SMIM31: variants seen among roughly 807,000 people sequenced by gnomAD.
The protein encoded by SMIM31 is small integral membrane protein 31, also known as human epithelial cell program regulator.
intron 2 of SMIM31, among the ~76,000 whole-genome samples, chr4:164,777,493 G>A (rs1290135348): frequency 1.3e-5 from 2 of 152,154 alleles, no homozygotes; most frequent in African/African-American, 2.4e-5. Context: ...ACATAGTGAC[G>A]CGGCAGTAGC....
intron 1 of SMIM31, among the ~76,000 whole-genome samples, chr4:164,763,635 A>G (rs139701461): frequency 0.013 from 1,934 of 152,310 alleles, 27 homozygotes; most frequent in Non-Finnish European, 0.02. Context: ...TTCACATGTG[A>G]TCCTCCCTAA....
intron 1 of SMIM31, among the ~76,000 whole-genome samples, chr4:164,768,445 A>C (rs1354021749): frequency 6.6e-6 from 1 of 150,928 alleles, no homozygotes; most frequent in Non-Finnish European, 1.5e-5. Context: ...AAAAAAAAAG[A>C]ATGAGGATTC....
At chr4:164,772,373 T>A (rs1229250047) in intron 2 of SMIM31, among the ~76,000 whole-genome samples, 1 of 152,102 alleles carries the variant, frequency 6.6e-6, no homozygotes, top group Non-Finnish European at 1.5e-5. Context: ...AGGCCCCACC[T>A]TCAACACTGG....
intron 1 of SMIM31, among the ~76,000 whole-genome samples, chr4:164,757,924 C>T (rs1325843351): frequency 6.6e-6 from 1 of 151,866 alleles, no homozygotes; most frequent in Non-Finnish European, 1.5e-5. Context: ...TTAGGATCAG[C>T]TTATCAATTT....
At chr4:164,781,556 G>T (rs1732948984) in intron 2 of SMIM31, among the ~76,000 whole-genome samples, 1 of 152,046 alleles carries the variant, frequency 6.6e-6, no homozygotes. Flanking sequence ...ATTGTTTTAG[G>T]CCAGATCATT....
intron 2 of SMIM31, among the ~76,000 whole-genome samples, chr4:164,782,374 TTTA>T (rs1211384687): frequency 0.016 from 2,106 of 132,750 alleles, 168 homozygotes; most frequent in African/African-American, 0.078. Context: ...ATCTCTTTCT[TTTA>T]TTTTTTTTTT....
At chr4:164,772,691 G>T (rs1002611724) in intron 2 of SMIM31, among the ~76,000 whole-genome samples, 2 of 151,028 alleles carry the variant, frequency 1.3e-5, no homozygotes, top group Non-Finnish European at 3.0e-5. Flanking sequence ...CCATTCTCCT[G>T]CCTCAGCCTC....
chr4:164,801,015 T>C (rs535607271), intron 2 of SMIM31, 76 bp from the exon 3 acceptor site: 1 of 396,712 alleles, frequency 2.5e-6, no homozygotes, highest in South Asian at 1.3e-4. Flanking sequence ...CCAAGTCTTC[T>C]TATAACCGAA....
intron 1 of SMIM31, among the ~76,000 whole-genome samples, chr4:164,755,460 A>G (rs1249450083): frequency 6.9e-6 from 1 of 145,070 alleles, no homozygotes; most frequent in African/African-American, 2.6e-5. Flanking sequence ...AGCCTGGGCT[A>G]CAGAGGGAGA....
At chr4:164,790,866 G>A (rs1733091003) in intron 2 of SMIM31, among the ~76,000 whole-genome samples, 1 of 151,952 alleles carries the variant, frequency 6.6e-6, no homozygotes, top group Non-Finnish European at 1.5e-5. Flanking sequence ...ACAATTTTTA[G>A]AAAAATATAT....
At chr4:164,794,093 C>T (rs968982915) in intron 2 of SMIM31, among the ~76,000 whole-genome samples, 4 of 152,132 alleles carry the variant, frequency 2.6e-5, no homozygotes, top group Non-Finnish European at 5.9e-5. Flanking sequence ...GAAAAGGCAA[C>T]CTGCCAGGCA....
At chr4:164,774,566 T>C (rs565028758) in intron 2 of SMIM31, among the ~76,000 whole-genome samples, 4 of 152,312 alleles carry the variant, frequency 2.6e-5, no homozygotes, top group African/African-American at 9.6e-5. Flanking sequence ...TCTATAGAAT[T>C]GTGCTATGAA....
chr4:164,777,315 C>T (rs1455802103), intron 2 of SMIM31, among the ~76,000 whole-genome samples: 1 of 152,180 alleles, frequency 6.6e-6, no homozygotes, highest in African/African-American at 2.4e-5. Flanking sequence ...GGTATATTTC[C>T]ATTTTTTGTG....
intron 2 of SMIM31, among the ~76,000 whole-genome samples, chr4:164,780,363 G>C (rs569948874): frequency 1.3e-4 from 20 of 152,310 alleles, no homozygotes; most frequent in South Asian, 8.3e-4. Context: ...GGAGGTGGAG[G>C]TTGCAGTGAG....
At chr4:164,788,436 G>A (rs1031729086) in intron 2 of SMIM31, among the ~76,000 whole-genome samples, 10 of 141,280 alleles carry the variant, frequency 7.1e-5, no homozygotes, top group South Asian at 2.3e-4. Flanking sequence ...CTAACTACTC[G>A]TGGCCAATCC....
intron 1 of SMIM31, among the ~76,000 whole-genome samples, chr4:164,757,842 A>C (rs1480085163): frequency 2.6e-5 from 4 of 152,158 alleles, no homozygotes; most frequent in African/African-American, 9.7e-5. Context: ...TCTTGAAGTC[A>C]GGTAGTATGA....
chr4:164,774,086 A>C (rs1002630791), intron 2 of SMIM31, among the ~76,000 whole-genome samples: 22 of 151,764 alleles, frequency 1.4e-4, no homozygotes, highest in Non-Finnish European at 2.9e-4. Flanking sequence ...GAATGGCATG[A>C]ACCCGGGAGG....
intron 1 of SMIM31, among the ~76,000 whole-genome samples, chr4:164,756,402 C>G (rs1458005093): frequency 1.3e-5 from 2 of 151,908 alleles, no homozygotes; most frequent in Non-Finnish European, 2.9e-5. Flanking sequence ...AACACTGTCT[C>G]TACTAAAAAT....
intron 1 of SMIM31, among the ~76,000 whole-genome samples, chr4:164,769,660 G>A (rs1209270818): frequency 6.6e-6 from 1 of 151,354 alleles, no homozygotes; most frequent in Non-Finnish European, 1.5e-5. Flanking sequence ...ATGAGTTAAT[G>A]GGTTCAGCAC....
Sources: gnomAD v4.1 joint callset for allele counts (sites outside exome capture counted in the v4.1 genomes callset) on GRCh38, gnomAD v4.1.1 for gene constraint, MANE v1.5 for transcripts, NCBI Gene and HGNC (gene_info 2026-07-23, HGNC 2026-07-21) for gene names.